The following PHKB variants were observed in gnomAD, a reference collection of about 807,000 sequenced individuals.
PHKB encodes phosphorylase b kinase regulatory subunit beta.
A neutral mutation model predicts 152.1 loss-of-function variants in PHKB; 122 were observed. The ratio of observed to expected loss-of-function variants is 0.80; its 90% CI spans 0.69 to 0.93. PHKB has a LOEUF of 0.93. PHKB is among the 40% of genes least tolerant of loss of function. PHKB has a pLI of 0.00. For synonymous variants in PHKB, 436 were observed against 464.9 expected (o/e 0.94, Z 0.80); for missense variants, 1,304 against 1,328.4 (o/e 0.98, Z 0.29).
At chr16:47,470,103 G>C (rs1969738336) in intron 1 of PHKB, among the ~76,000 whole-genome samples, 1 of 152,176 alleles carries the variant, frequency 6.6e-6, no homozygotes. Flanking sequence ...CCCTAACCCA[G>C]CGGCGCTAGA....
chr16:47,466,491 T>C (rs569447143), intron 1 of PHKB, among the ~76,000 whole-genome samples: 5 of 152,354 alleles, frequency 3.3e-5, no homozygotes, highest in Admixed American at 6.5e-5. Context: ...TTTTTGCTTT[T>C]ATTCTTAAAT....
At chr16:47,547,247 CTAATTTT>C (rs1971188208) in intron 6 of PHKB, among the ~76,000 whole-genome samples, 179 bp from the exon 7 acceptor site, 1 of 152,042 alleles carries the variant, frequency 6.6e-6, no homozygotes, top group African/African-American at 2.4e-5. Context: ...GAATGGACCC[CTAATTTT>C]TGTATTTTTT....
At chr16:47,581,274 C>T (rs1036790530) in intron 8 of PHKB, among the ~76,000 whole-genome samples, 2 of 152,160 alleles carry the variant, frequency 1.3e-5, no homozygotes, top group Admixed American at 6.5e-5. Flanking sequence ...CTCCTTCTTA[C>T]GTACACAAGC....
At chr16:47,528,687 G>C (rs1970807474) in intron 6 of PHKB, among the ~76,000 whole-genome samples, 2 of 138,892 alleles carry the variant, frequency 1.4e-5, no homozygotes, top group Non-Finnish European at 3.0e-5. Flanking sequence ...AATAAATAAA[G>C]GACTTTTTCT....
intron 7 of PHKB, among the ~76,000 whole-genome samples, chr16:47,572,430 T>C (rs748741347): frequency 6.6e-6 from 1 of 152,220 alleles, no homozygotes; most frequent in African/African-American, 2.4e-5. Flanking sequence ...TGTGACTATT[T>C]ATTTATGATT....
chr16:47,662,752 G>A (rs777013064), intron 23 of PHKB, among the ~76,000 whole-genome samples: 4 of 152,116 alleles, frequency 2.6e-5, no homozygotes, highest in Admixed American at 6.6e-5. Flanking sequence ...ATAAGTATAA[G>A]CAGAATCTCA....
chr16:47,673,309 A>G (rs1236950692), intron 26 of PHKB, among the ~76,000 whole-genome samples: 1 of 152,168 alleles, frequency 6.6e-6, no homozygotes, highest in Non-Finnish European at 1.5e-5. Flanking sequence ...GCTTTGAGCT[A>G]GTAATGTGGA....
intron 7 of PHKB, among the ~76,000 whole-genome samples, chr16:47,551,209 C>A (rs971655077): frequency 9.9e-5 from 15 of 151,912 alleles, no homozygotes; most frequent in African/African-American, 3.6e-4. Context: ...GTGTCTCTAT[C>A]TCCTTCAGTT....
At chr16:47,537,698 T>C (rs1487827079) in intron 6 of PHKB, among the ~76,000 whole-genome samples, 1 of 151,944 alleles carries the variant, frequency 6.6e-6, no homozygotes, top group Non-Finnish European at 1.5e-5. Flanking sequence ...AGTGGTCTGA[T>C]GGGGAAAAAA....
chr16:47,515,826 C>T (rs758116540), intron 6 of PHKB, among the ~76,000 whole-genome samples: 6 of 152,132 alleles, frequency 3.9e-5, no homozygotes, highest in East Asian at 3.9e-4. Context: ...ACTTTACTCC[C>T]GTGAAGACTC....
At chr16:47,493,685 C>G (rs1043010791) in intron 1 of PHKB, among the ~76,000 whole-genome samples, 1 of 152,182 alleles carries the variant, frequency 6.6e-6, no homozygotes, top group African/African-American at 2.4e-5. Flanking sequence ...TAGTGGGACT[C>G]ATGAGAGCCT....
intron 6 of PHKB, among the ~76,000 whole-genome samples, chr16:47,530,879 A>G (rs1241257115): frequency 1.3e-5 from 2 of 152,252 alleles, no homozygotes; most frequent in Non-Finnish European, 2.9e-5. Flanking sequence ...TTCTTGCTAT[A>G]TTATTAATCT....
intron 3 of PHKB, 133 bp downstream of exon 3, chr16:47,500,027 T>C (rs200798566): frequency 1.0e-6 from 1 of 986,168 alleles, no homozygotes; most frequent in East Asian, 2.4e-5. Context: ...TCACATCCCT[T>C]TTTAGGCCTC....
intron 16 of PHKB, among the ~76,000 whole-genome samples, chr16:47,644,837 C>A (rs962024077): frequency 2.0e-5 from 3 of 152,120 alleles, no homozygotes; most frequent in Non-Finnish European, 4.4e-5. Context: ...CTAAATATAG[C>A]AAACAGCCTG....
chr16:47,516,797 G>A (rs1010977394), intron 6 of PHKB, among the ~76,000 whole-genome samples: 30 of 152,112 alleles, frequency 2.0e-4, no homozygotes, highest in African/African-American at 7.2e-5. Context: ...AATTATGGTC[G>A]TAAGAAATTA....
chr16:47,521,329 A>G (rs1250049228), intron 6 of PHKB, among the ~76,000 whole-genome samples: 1 of 152,260 alleles, frequency 6.6e-6, no homozygotes, highest in East Asian at 1.9e-4. Flanking sequence ...TCCTGATTTT[A>G]GGGCAAAACC....
In PHKB at chr16:47,527,918, C is replaced by T. The variant is rs190421313; in HGVS notation, c.594+12317C>T. Among the ~76,000 whole-genome samples the T allele has an allele frequency of 8.5e-4, 130 of 152,272 alleles. 1 individual carries two copies. Among genetic ancestry groups the T allele is most frequent in the African/African-American group, 3.0e-3 (124 of 41,562 alleles). The stretch of plus-strand genomic sequence containing the variant: ...CAAAGAGCAAGGTCTCAGGAGAAAC[C>T]AGACCTGCCAACACCTTGGTCTTAG... On this transcript the variant is annotated intron_variant, in intron 6 of 30. Transcript: ENST00000323584.
chr16:47,658,381 T>G (rs1044984393), intron 20 of PHKB, among the ~76,000 whole-genome samples: 2 of 152,146 alleles, frequency 1.3e-5, no homozygotes, highest in Non-Finnish European at 2.9e-5. Context: ...CCTACTCCCC[T>G]GCCCTGGTAC....
At chr16:47,525,569 G>C (rs1970751963) in intron 6 of PHKB, among the ~76,000 whole-genome samples, 1 of 152,286 alleles carries the variant, frequency 6.6e-6, no homozygotes, top group South Asian at 2.1e-4. Context: ...GGGAACAAGA[G>C]ATGGAAGGAA....
Sources: allele counts gnomAD v4.1 joint callset (sites outside exome capture counted in the v4.1 genomes callset), GRCh38; gene constraint gnomAD v4.1.1; transcripts MANE v1.5; gene names NCBI Gene and HGNC (gene_info 2026-07-23, HGNC 2026-07-21).